The following MT1X variants were observed in gnomAD, a reference collection of about 807,000 sequenced individuals.
MT1X encodes the protein metallothionein-1X.
A neutral mutation model predicts 8.6 loss-of-function variants in MT1X; 7 were observed. The ratio of observed to expected loss-of-function variants is 0.81; its 90% confidence interval spans 0.46 to 1.52. MT1X has a LOEUF of 1.52. Ranked by LOEUF, MT1X falls within the 40% of genes most tolerant of loss-of-function variation. The probability of loss-of-function intolerance (pLI) is 0.01; values close to 1 mark genes in which losing one functional copy is unlikely to be tolerated. For synonymous variants in MT1X, 25 were observed against 27.6 expected, an observed-to-expected ratio of 0.91 and a Z score of 0.30; for missense variants, 72 against 74.3, an observed-to-expected ratio of 0.97 and a Z score of 0.11.
chr16:56,682,723 CT>C, intron 1 of MT1X, 155 bp downstream of exon 1: 7 of 909,288 alleles, frequency 7.7e-6, no homozygotes. Flanking sequence ...CCTGAGACCA[CT>C]TCTCGCCTCC....
In MT1X at chr16:56,683,986, T is replaced by C; in HGVS notation, c.123T>C (p.Cys41=). The change falls in exon 3 of 3, where the codon TGT becomes TGC. Residue 41 remains cysteine, a synonymous_variant. Transcript: ENST00000394485. Reference sequence around the variant, plus strand: ...GCTGCTCCTGCTGCCCTGTGGGCTGTGCCAAGTGTGCCCAGGGCTGCATCT... The same window carrying C: ...GCTGCTCCTGCTGCCCTGTGGGCTGCGCCAAGTGTGCCCAGGGCTGCATCT... ...KSCCSCCPVG[C]AKCAQGCICK... The C allele has an allele frequency of 6.2e-7, 1 of 1,614,122 alleles. No individual in the cohort carries two copies. The highest frequency in any genetic ancestry group is 8.5e-7 in the Non-Finnish European group (1 of 1,180,004).
chr16:56,682,589 C>T (rs1961014774), intron 1 of MT1X, 21 bp downstream of exon 1: 1 of 1,614,042 alleles, frequency 6.2e-7, no homozygotes, highest in Non-Finnish European at 8.5e-7. Flanking sequence ...CCTAGCTCCG[C>T]GCCTTGGGAT....
intron 2 of MT1X, chr16:56,683,633 G>A (rs1305933837): frequency 2.5e-6 from 1 of 403,262 alleles, no homozygotes; most frequent in East Asian, 5.3e-5. Context: ...CAGAACTGCT[G>A]TGTCAGGGAT....
In MT1X at chr16:56,684,150, CT is replaced by C. The variant is rs1961038142; in HGVS notation, c.*108del. On this transcript the variant is annotated 3_prime_UTR_variant, in exon 3 of 3. Coordinates refer to ENST00000394485, the MANE Select transcript of MT1X (RefSeq NM_005952.4). ...TACAACCCTGACCCGTTTGCTACAT[CT>C]TTTTTTCTATGAAATATGTGAATGG... 11 of 1,334,060 alleles carry C rather than the reference CT, an allele frequency of 8.2e-6. No homozygotes were observed. Among genetic ancestry groups the C allele is most frequent in the Admixed American group, 7.9e-5 (3 of 38,018 alleles). 82.6% of individuals were successfully genotyped at this position (1,334,060 alleles called of 1,614,324 possible).
At position 56,683,151 on chromosome 16, in the gene MT1X, T is replaced by C; in HGVS notation, c.29-14T>C. 2 of 1,613,784 alleles carry C rather than the reference T, an allele frequency of 1.2e-6. No homozygotes were observed. The highest frequency in any genetic ancestry group is 1.7e-6 in the Non-Finnish European group (2 of 1,179,814). On this transcript the variant is annotated splice_polypyrimidine_tract_variant and intron_variant, in intron 1 of 2. Transcript: ENST00000394485. ...TCTCACTCCACGCTCACTGCCTTTTTCTCTTCCTTGCAGTTGGCTCCTGTG... is the reference window on the plus strand; with the variant it reads ...TCTCACTCCACGCTCACTGCCTTTTCCTCTTCCTTGCAGTTGGCTCCTGTG...
In MT1X at chr16:56,683,941, C is replaced by G; in HGVS notation, c.95-17C>G. ...ATTGAGTCTGCTCTGACCTCTCACT[C>G]TCCCCTTCTTCTCCAGGCTGCTGCT... On this transcript the variant is annotated splice_polypyrimidine_tract_variant and intron_variant, in intron 2 of 2. Transcript: ENST00000394485. The G allele has an allele frequency of 6.2e-7, 1 of 1,613,940 alleles. No homozygotes were observed. Among genetic ancestry groups the G allele is most frequent in the South Asian group, 1.1e-5 (1 of 91,070 alleles).
chr16:56,683,552 C>T (rs749544544), intron 2 of MT1X: 38 of 397,840 alleles, frequency 9.6e-5, no homozygotes, highest in Non-Finnish European at 1.4e-4. Flanking sequence ...TCTGGAAGAC[C>T]CCGGGTGATT....
In MT1X at chr16:56,684,157, T is replaced by C. The variant is rs1190635177; in HGVS notation, c.*108T>C. On this transcript the variant is annotated 3_prime_UTR_variant, in exon 3 of 3. Coordinates refer to ENST00000394485, the MANE Select transcript of MT1X (RefSeq NM_005952.4). The stretch of plus-strand genomic sequence containing the variant: ...CTGACCCGTTTGCTACATCTTTTTT[T>C]CTATGAAATATGTGAATGGCAATAA... The C allele has an allele frequency of 7.5e-7, 1 of 1,335,752 alleles. No individual in the cohort carries two copies. Among genetic ancestry groups the C allele is most frequent in the Non-Finnish European group, 1.0e-6 (1 of 983,716 alleles). 82.7% of individuals were successfully genotyped at this position (1,335,752 alleles called of 1,614,324 possible). A position where few individuals can be genotyped will look rare whatever the true frequency, so the allele number is the denominator to read the frequency against.
In MT1X at chr16:56,682,491, G is replaced by C; in HGVS notation, c.-50G>C. ...CTCCACCACGCTTTTCATCTGTCCCGCTGCGTGTTTTCCTCTTGATCGGGA... is the reference window on the plus strand; with the variant it reads ...CTCCACCACGCTTTTCATCTGTCCCCCTGCGTGTTTTCCTCTTGATCGGGA... On this transcript the variant is annotated 5_prime_UTR_variant, in exon 1 of 3. Coordinates refer to ENST00000394485, the MANE Select transcript of MT1X (RefSeq NM_005952.4). The C allele has an allele frequency of 6.2e-7, 1 of 1,610,562 alleles. No homozygotes were observed.
chr16:56,682,707 C>A, intron 1 of MT1X, 139 bp downstream of exon 1: 2 of 1,102,504 alleles, frequency 1.8e-6, no homozygotes, highest in Non-Finnish European at 2.7e-6. Context: ...TCTTCCCGAT[C>A]ACGTCCCTGA....
At chr16:56,683,306 G>C in intron 2 of MT1X, 76 bp downstream of exon 2, 2 of 1,573,058 alleles carry the variant, frequency 1.3e-6, no homozygotes, top group East Asian at 4.5e-5. Context: ...CTGCAGGCAG[G>C]GGCAGGCCAA....
chr16:56,683,146 C>G lies in MT1X; in HGVS notation c.29-19C>G, dbSNP rs1167072064. On this transcript the variant is annotated intron_variant, in intron 1 of 2. Coordinates refer to ENST00000394485, the MANE Select transcript of MT1X (RefSeq NM_005952.4). ...CTGCATCTCACTCCACGCTCACTGC[C>G]TTTTTCTCTTCCTTGCAGTTGGCTC... 1 of 1,613,762 alleles carries G rather than the reference C, an allele frequency of 6.2e-7. No homozygotes were observed. The highest frequency in any genetic ancestry group is 8.5e-7 in the Non-Finnish European group (1 of 1,179,796).
rs567007771 is a variant in MT1X, at chr16:56,684,021, C to A, written c.158C>A (p.Thr53Lys). 1 of 1,613,798 alleles carries A rather than the reference C, an allele frequency of 6.2e-7. No individual in the cohort carries two copies. The highest frequency in any genetic ancestry group is 8.5e-7 in the Non-Finnish European group (1 of 1,179,904). ...KCAQGCICKG[T>K]SDKCSCCA ...GCCCAGGGCTGCATCTGCAAAGGGACGTCAGACAAGTGCAGCTGCTGTGCC... is the reference window on the plus strand; with the variant it reads ...GCCCAGGGCTGCATCTGCAAAGGGAAGTCAGACAAGTGCAGCTGCTGTGCC... Residue 53 changes from threonine (T) to lysine (K), a missense_variant, in exon 3 of 3, where the codon ACG (threonine) becomes AAG (lysine). By Grantham distance (78) the Thr-to-Lys change is moderately conservative. Coordinates refer to ENST00000394485, the MANE Select transcript of MT1X (RefSeq NM_005952.4).
At chr16:56,683,906 G>A in intron 2 of MT1X, 52 bp from the exon 3 acceptor site, 3 of 1,611,500 alleles carry the variant, frequency 1.9e-6, no homozygotes, top group African/African-American at 1.3e-5. Context: ...TTGGGGCAGG[G>A]AGGTGCCTGA....
chr16:56,683,089 A>C, intron 1 of MT1X, 76 bp from the exon 2 acceptor site: 1 of 1,558,032 alleles, frequency 6.4e-7, no homozygotes, highest in Non-Finnish European at 8.8e-7. Context: ...AGGAGGGGTC[A>C]CTGAAGCGTT....
intron 2 of MT1X, 49 bp downstream of exon 2, chr16:56,683,279 G>A: frequency 1.2e-6 from 2 of 1,610,100 alleles, no homozygotes. Flanking sequence ...CCAAGTTAGA[G>A]CAGGGAACCC....
rs1567358467 is a variant in MT1X at position 56,683,231 on chromosome 16, G to A, written c.94+1G>A. The A allele has an allele frequency of 2.5e-6, 4 of 1,613,956 alleles. No homozygotes were observed. In the Admixed American group the frequency reaches 6.7e-5, roughly 27 times the overall value. ...TGCAAATGCACCTCCTGCAAGAAGA[G>A]TGAGTGCAGGGCCTTCCCTGCGAAT... On this transcript the variant is annotated splice_donor_variant, in intron 2 of 2. Coordinates refer to ENST00000394485, the MANE Select transcript of MT1X (RefSeq NM_005952.4). LOFTEE classifies it high-confidence loss of function.
intron 1 of MT1X, chr16:56,682,837 C>G: frequency 1.7e-6 from 1 of 597,626 alleles, no homozygotes; most frequent in South Asian, 2.1e-5. Flanking sequence ...AATGCTCTGA[C>G]CAGGCTCTGA....
At chr16:56,683,688 GT>G in intron 2 of MT1X, 2 of 488,478 alleles carry the variant, frequency 4.1e-6, no homozygotes, top group Non-Finnish European at 3.6e-6. Flanking sequence ...TTAAGGGTAG[GT>G]TTTGGGGAAC....
Sources: gnomAD v4.1 joint callset for allele counts on GRCh38, gnomAD v4.1.1 for gene constraint, MANE v1.5 for transcripts, NCBI Gene and HGNC (gene_info 2026-07-23, HGNC 2026-07-21) for gene names.